The following KMT2C variants were observed in gnomAD, a reference collection of about 807,000 sequenced individuals.
KMT2C encodes the protein histone-lysine N-methyltransferase 2C.
Under a neutral mutation model 507.9 loss-of-function variants are expected in KMT2C, and 88 were observed. The ratio of observed to expected loss-of-function variants is 0.17; its 90% CI spans 0.15 to 0.21. The LOEUF (loss-of-function observed/expected upper bound fraction) is 0.21, where lower values mean the gene tolerates loss of function less well. KMT2C is among the 10% of genes least tolerant of loss of function. The pLI is 1.00. For missense variants in KMT2C, 4,954 were observed against 5,957.8 expected, an observed-to-expected ratio of 0.83 and a Z score of 5.55; for synonymous variants, 2,049 against 2,080.8, an observed-to-expected ratio of 0.98 and a Z score of 0.42.
At chr7:152,297,064 AGAGAGAG>A (rs1563767882) in intron 6 of KMT2C, among the ~76,000 whole-genome samples, 2 of 114,706 alleles carry the variant, frequency 1.7e-5, no homozygotes, top group African/African-American at 9.2e-5. Flanking sequence ...ACAGAGAGAG[AGAGAGAG>A]AGAGAGAGAG....
rs2129119417 is a variant in KMT2C, at chr7:152,180,956, A to T, written c.6904T>A (p.Ser2302Thr). 1.2e-6 allele frequency: 2 copies of T among 1,614,152 alleles called. No homozygotes were observed. Among genetic ancestry groups the T allele is most frequent in the East Asian group, 4.5e-5 (2 of 44,874 alleles). ...GACTGAGATCTTGGAGTCATTGGAG[A>T]CTGATCATAGGGATCACGGGCAGCA... Reference protein sequence around the residue: ...PSAARDPYDQSPMTPRSQSDS... With the variant: ...PSAARDPYDQTPMTPRSQSDS... Residue 2302 changes from serine (S) to threonine (T), a missense_variant, in exon 36 of 59, where the codon TCT becomes ACT. This residue lies in a region of KMT2C where 1,689 missense variants were observed against 1,654.3 expected (regional missense o/e 1.02). Coordinates refer to ENST00000262189, the MANE Select transcript of KMT2C (RefSeq NM_170606.3).
intron 23 of KMT2C, among the ~76,000 whole-genome samples, chr7:152,216,360 G>C (rs1237370352): frequency 6.6e-6 from 1 of 152,158 alleles, no homozygotes; most frequent in Non-Finnish European, 1.5e-5. Context: ...GCGGTTATTA[G>C]AAGAGTTAAA....
chr7:152,334,177 C>G (rs918655929), intron 2 of KMT2C, among the ~76,000 whole-genome samples: 1 of 152,116 alleles, frequency 6.6e-6, no homozygotes, highest in African/African-American at 2.4e-5. Flanking sequence ...ACAAAGGGGC[C>G]GGGTGCGGTG....
At chr7:152,297,040 A>AGAAAGAAAGAAAGAAC (rs1402898680) in intron 6 of KMT2C, among the ~76,000 whole-genome samples, 1 of 101,836 alleles carries the variant, frequency 9.8e-6, no homozygotes, top group African/African-American at 4.7e-5. Flanking sequence ...AAAGAAAGAA[A>AGAAAGAAAGAAAGAAC]GAAAGAAAGA....
At position 152,163,671 on chromosome 7, in the gene KMT2C, G is replaced by A. The variant is rs2129104641; in HGVS notation, c.9906C>T (p.Pro3302=). 6.2e-7 allele frequency: 1 copy of A among 1,613,910 alleles called. No homozygotes were observed. The highest frequency in any genetic ancestry group is 8.5e-7 in the Non-Finnish European group (1 of 1,179,892). ...PGATPPTMSQ[P]TFPMVPQQLQ... ...GCTGCTGTGGCACCATGGGAAAGGT[G>A]GGTTGGCTCATGGTGGGTGGAGTGG... Residue 3302 remains proline, a synonymous_variant, in exon 43 of 59, where the codon CCC becomes CCT. Coordinates refer to ENST00000262189, the MANE Select transcript of KMT2C (RefSeq NM_170606.3).
chr7:152,331,405 C>T (rs2096881220), intron 2 of KMT2C, among the ~76,000 whole-genome samples: 1 of 151,808 alleles, frequency 6.6e-6, no homozygotes, highest in Non-Finnish European at 1.5e-5. Flanking sequence ...ATTGCTTGAG[C>T]CCAGTAGTTC....
In KMT2C at chr7:152,171,356, G is replaced by T. The variant is rs745744681; in HGVS notation, c.9375-14C>A. The T allele has an allele frequency of 1.9e-6, 3 of 1,556,322 alleles. No individual in the cohort carries two copies. The highest frequency in any genetic ancestry group is 1.8e-6 in the Non-Finnish European group (2 of 1,136,672). On this transcript the variant is annotated splice_polypyrimidine_tract_variant and intron_variant, in intron 39 of 58. Coordinates refer to ENST00000262189, the MANE Select transcript of KMT2C (RefSeq NM_170606.3). The stretch of plus-strand genomic sequence containing the variant: ...ATAAAAGGGAACCTGTCAAAACAGG[G>T]TACACAAGTATCAAGTGATGAGCGT...
chr7:152,167,440 A>T, intron 41 of KMT2C, 62 bp from the exon 42 acceptor site: 1 of 1,133,724 alleles, frequency 8.8e-7, no homozygotes, highest in East Asian at 2.4e-5. Flanking sequence ...TATAAGTTAC[A>T]CAAATCTATT....
chr7:152,427,821 C>CT (rs907309361), intron 1 of KMT2C, among the ~76,000 whole-genome samples: 2 of 152,180 alleles, frequency 1.3e-5, no homozygotes, highest in Non-Finnish European at 2.9e-5. Flanking sequence ...TCCCCGAATG[C>CT]TTAGCAGGCA....
In KMT2C at chr7:152,435,860, CGCCGCTGCT is replaced by C; in HGVS notation, c.-83_-75del. The C allele has an allele frequency of 7.2e-7, 1 of 1,383,314 alleles. No individual in the cohort carries two copies. Among genetic ancestry groups the C allele is most frequent in the Non-Finnish European group, 9.4e-7 (1 of 1,063,842 alleles). 85.7% of individuals were successfully genotyped at this position (1,383,314 alleles called of 1,614,324 possible). A position where few individuals can be genotyped will look rare whatever the true frequency, so the allele number is the denominator to read the frequency against. ...CTCCCGCCGCCGCGGCCGCCGCCGCCGCCGCTGCTGCTCGGGTTCCTCCTCCCCGGCTCA... is the reference window on the plus strand; with the variant it reads ...CTCCCGCCGCCGCGGCCGCCGCCGCCGCTCGGGTTCCTCCTCCCCGGCTCA... On this transcript the variant is annotated 5_prime_UTR_variant, in exon 1 of 59. Transcript: ENST00000262189.
intron 44 of KMT2C, 53 bp from the exon 45 acceptor site, chr7:152,156,399 A>T: frequency 6.3e-7 from 1 of 1,592,482 alleles, no homozygotes; most frequent in Non-Finnish European, 8.5e-7. Flanking sequence ...ATATGCAATG[A>T]CCTTGCTAAA....
At chr7:152,178,612 C>A (rs1322927517) in intron 37 of KMT2C, among the ~76,000 whole-genome samples, 1 of 151,788 alleles carries the variant, frequency 6.6e-6, no homozygotes, top group Non-Finnish European at 1.5e-5. Flanking sequence ...GCAACTTACA[C>A]AGAATACAAA....
At chr7:152,255,564 C>T (rs1255690481) in intron 9 of KMT2C, among the ~76,000 whole-genome samples, 1 of 152,010 alleles carries the variant, frequency 6.6e-6, no homozygotes, top group Non-Finnish European at 1.5e-5. Flanking sequence ...AACAAATACA[C>T]AAGCACAGAT....
At chr7:152,166,758 T>C (rs149002687) in intron 42 of KMT2C, among the ~76,000 whole-genome samples, 1,750 of 152,264 alleles carry the variant, frequency 0.011, 30 homozygotes, top group Non-Finnish European at 0.019. Context: ...TATCTCCCCA[T>C]GAGCTCGGTC....
At chr7:152,285,041 C>T (rs1195306824) in intron 6 of KMT2C, among the ~76,000 whole-genome samples, 2 of 152,256 alleles carry the variant, frequency 1.3e-5, no homozygotes, top group Admixed American at 1.3e-4. Flanking sequence ...GTCAGAAATT[C>T]CAGTCCTAGG....
At chr7:152,209,072 T>C (rs929586275) in intron 23 of KMT2C, among the ~76,000 whole-genome samples, 5 of 151,598 alleles carry the variant, frequency 3.3e-5, no homozygotes, top group Admixed American at 2.6e-4. Flanking sequence ...GGCAGGAGAA[T>C]TGCTTGAACC....
At chr7:152,427,052 G>A (rs1274152555) in intron 1 of KMT2C, among the ~76,000 whole-genome samples, 1 of 151,642 alleles carries the variant, frequency 6.6e-6, no homozygotes, top group Non-Finnish European at 1.5e-5. Context: ...GTCTCACTCT[G>A]TCGCCCAGGC....
intron 2 of KMT2C, among the ~76,000 whole-genome samples, chr7:152,357,663 T>G (rs1353616976): frequency 6.6e-6 from 1 of 152,008 alleles, no homozygotes; most frequent in East Asian, 1.9e-4. Context: ...AATACAGTAA[T>G]TCATGAATGT....
intron 42 of KMT2C, among the ~76,000 whole-genome samples, chr7:152,165,628 T>G (rs992727888): frequency 6.6e-6 from 1 of 152,206 alleles, no homozygotes; most frequent in Admixed American, 6.5e-5. Flanking sequence ...TGAGTCCAAA[T>G]CCCTAATCTA....
Sources: allele counts gnomAD v4.1 joint callset (sites outside exome capture counted in the v4.1 genomes callset), GRCh38; gene constraint gnomAD v4.1.1; regional missense constraint gnomAD v4.1.1; transcripts MANE v1.5; gene names NCBI Gene and HGNC (gene_info 2026-07-23, HGNC 2026-07-21).